The following KDM4C variants were observed in gnomAD, a reference collection of about 807,000 sequenced individuals.
KDM4C encodes lysine demethylase 4C, also known as lysine-specific demethylase 4C.
Under a neutral mutation model 129.3 loss-of-function variants are expected in KDM4C, and 81 were observed. That is an observed-to-expected ratio of 0.63 (90% CI 0.52 to 0.75). The LOEUF is 0.75. KDM4C is among the 30% of genes least tolerant of loss of function. KDM4C has a pLI of 0.00. For synonymous variants in KDM4C, 573 were observed against 456.1 expected (o/e 1.26, Z -3.26); for missense variants, 1,457 against 1,304.0 (o/e 1.12, Z -1.81).
chr9:7,135,946 C>G (rs1841160331), intron 19 of KDM4C, among the ~76,000 whole-genome samples: 1 of 152,212 alleles, frequency 6.6e-6, no homozygotes, highest in Non-Finnish European at 1.5e-5. Flanking sequence ...TGCAGTTATA[C>G]TCCCTCACCA....
intron 8 of KDM4C, among the ~76,000 whole-genome samples, chr9:6,979,233 T>C (rs1384134211): frequency 6.6e-6 from 1 of 152,218 alleles, no homozygotes; most frequent in East Asian, 1.9e-4. Context: ...TTTATTCCAA[T>C]GGCAAGATAA....
chr9:6,785,765 G>C (rs986569059), intron 1 of KDM4C, among the ~76,000 whole-genome samples: 1 of 152,212 alleles, frequency 6.6e-6, no homozygotes, highest in Non-Finnish European at 1.5e-5. Context: ...ACAGGTGTTG[G>C]GGGTTAGGTT....
At chr9:6,951,537 G>A (rs1051112425) in intron 8 of KDM4C, among the ~76,000 whole-genome samples, 2 of 152,176 alleles carry the variant, frequency 1.3e-5, no homozygotes, top group African/African-American at 4.8e-5. Flanking sequence ...GGGAACAGGA[G>A]TTAAGAGTGT....
intron 17 of KDM4C, among the ~76,000 whole-genome samples, chr9:7,097,302 A>G (rs1480821763): frequency 1.3e-5 from 2 of 152,256 alleles, no homozygotes; most frequent in Admixed American, 6.5e-5. Flanking sequence ...CGCACTGCAC[A>G]TAGCATCTAA....
At chr9:7,030,090 T>G (rs529585659) in intron 15 of KDM4C, among the ~76,000 whole-genome samples, 2 of 152,352 alleles carry the variant, frequency 1.3e-5, no homozygotes, top group South Asian at 4.1e-4. Context: ...AAGATTTGGC[T>G]TTATTAAAGA....
At chr9:6,847,513 C>T (rs950341061) in intron 4 of KDM4C, among the ~76,000 whole-genome samples, 1 of 152,070 alleles carries the variant, frequency 6.6e-6, no homozygotes, top group African/African-American at 2.4e-5. Flanking sequence ...GCCTCAGCCT[C>T]CCGAGTGGCT....
chr9:7,120,552 T>C (rs573536089), intron 18 of KDM4C, among the ~76,000 whole-genome samples: 1 of 152,314 alleles, frequency 6.6e-6, no homozygotes, highest in African/African-American at 2.4e-5. Context: ...ACCTGATTAG[T>C]TTTTTTCTTA....
At chr9:7,113,606 T>G (rs977077612) in intron 18 of KDM4C, among the ~76,000 whole-genome samples, 1 of 152,200 alleles carries the variant, frequency 6.6e-6, no homozygotes, top group Non-Finnish European at 1.5e-5. Context: ...CAAACTCCCA[T>G]GCTCACAACA....
chr9:7,123,349 C>T (rs192549787), intron 18 of KDM4C, among the ~76,000 whole-genome samples: 100 of 152,286 alleles, frequency 6.6e-4, no homozygotes, highest in African/African-American at 2.4e-3. Context: ...TTCCCTTCCG[C>T]TACCCACATA....
intron 15 of KDM4C, among the ~76,000 whole-genome samples, chr9:7,040,614 A>C (rs1828430156): frequency 6.6e-6 from 1 of 151,640 alleles, no homozygotes; most frequent in South Asian, 2.1e-4. Context: ...TCACACTGAG[A>C]GTGTTTCTAT....
At chr9:6,762,449 G>C (rs780113183) in intron 1 of KDM4C, among the ~76,000 whole-genome samples, 3 of 152,146 alleles carry the variant, frequency 2.0e-5, no homozygotes, top group East Asian at 1.9e-4. Context: ...TGGGATTACA[G>C]GTGTGAGCCA....
At chr9:6,794,214 T>C (rs572230182) in intron 2 of KDM4C, among the ~76,000 whole-genome samples, 2 of 152,230 alleles carry the variant, frequency 1.3e-5, no homozygotes, top group Non-Finnish European at 2.9e-5. Context: ...ACAGACGATG[T>C]TCCTGCCCCC....
At chr9:7,020,494 A>G (rs1240626486) in intron 15 of KDM4C, among the ~76,000 whole-genome samples, 3 of 152,164 alleles carry the variant, frequency 2.0e-5, no homozygotes, top group African/African-American at 7.2e-5. Flanking sequence ...GTCAATTTAT[A>G]TAATTCTTTT....
chr9:7,122,269 T>A lies in KDM4C; in HGVS notation c.2611-5797T>A, dbSNP rs867566368. Among the ~76,000 whole-genome samples, 825 of 107,760 alleles carry A rather than the reference T, an allele frequency of 7.7e-3. 10 individuals carry two copies. The highest frequency in any genetic ancestry group is 0.028 in the Middle Eastern group (7 of 252). The allele number at this position is 107,760 out of a possible 152,430, so 70.7% of individuals were successfully genotyped here. A position where few individuals can be genotyped will look rare whatever the true frequency, so the allele number is the denominator to read the frequency against. On this transcript the variant is annotated intron_variant, in intron 18 of 21. Transcript: ENST00000381309. ...CACACACACACACACACACACACTCTCTCTCTCTCTCTCTCTTAAACAGCC... is the reference window on the plus strand; with the variant it reads ...CACACACACACACACACACACACTCACTCTCTCTCTCTCTCTTAAACAGCC...
At chr9:7,004,868 A>G (rs571046235) in intron 12 of KDM4C, among the ~76,000 whole-genome samples, 2 of 152,302 alleles carry the variant, frequency 1.3e-5, no homozygotes, top group East Asian at 1.9e-4. Flanking sequence ...AATTTTCTGG[A>G]TGGCTGCTGC....
At chr9:7,149,072 A>C (rs1200306937) in intron 19 of KDM4C, among the ~76,000 whole-genome samples, 1 of 152,150 alleles carries the variant, frequency 6.6e-6, no homozygotes, top group Admixed American at 6.5e-5. Flanking sequence ...CACTTATGGC[A>C]CCCAGGTTTT....
chr9:6,751,364 T>C (rs1006722481), intron 1 of KDM4C, among the ~76,000 whole-genome samples: 1 of 152,132 alleles, frequency 6.6e-6, no homozygotes, highest in Non-Finnish European at 1.5e-5. Flanking sequence ...GAGGATGGCT[T>C]GAGCCTGGGA....
intron 5 of KDM4C, among the ~76,000 whole-genome samples, chr9:6,861,804 C>G (rs930170949): frequency 3.4e-5 from 5 of 148,430 alleles, no homozygotes; most frequent in East Asian, 2.0e-4. Context: ...GAGATGGAGT[C>G]TTGCTCTGTT....
rs550444836 is a variant in KDM4C, at chr9:7,106,974, G to GA, written c.2610+3110dup. On this transcript the variant is annotated intron_variant, in intron 18 of 21. Transcript: ENST00000381309. ...AATAGGGTAAAACTTCCTAAAGATGGAAAAAAGTGTGTCACAGGAAGTACA... is the reference window on the plus strand; with the variant it reads ...AATAGGGTAAAACTTCCTAAAGATGGAAAAAAAGTGTGTCACAGGAAGTACA... 1.3e-4 allele frequency among the ~76,000 whole-genome samples: 20 copies of GA among 152,008 alleles called. No homozygotes were observed. In the South Asian group the frequency reaches 4.1e-3, roughly 32 times the overall value.
Sources: gnomAD v4.1 joint callset for allele counts (sites outside exome capture counted in the v4.1 genomes callset) on GRCh38, gnomAD v4.1.1 for gene constraint, MANE v1.5 for transcripts, NCBI Gene and HGNC (gene_info 2026-07-23, HGNC 2026-07-21) for gene names.